Variants in EFL1 observed in about 807,000 individuals in gnomAD.
EFL1 encodes elongation factor like GTPase 1, also known as elongation factor-like GTPase 1.
EFL1 carries 76 observed loss-of-function variants against 126.7 expected under a neutral mutation model. That is an observed-to-expected ratio of 0.60 (90% CI 0.50 to 0.73). The LOEUF is 0.73. Ranked by LOEUF, EFL1 falls within the 30% of genes least tolerant of loss-of-function variation. EFL1 has a pLI of 0.00. For synonymous variants in EFL1, 410 were observed against 448.4 expected (o/e 0.91, Z 1.08); for missense variants, 1,128 against 1,343.2 (o/e 0.84, Z 2.50).
At chr15:82,221,949 G>C (rs2074716478) in intron 12 of EFL1, among the ~76,000 whole-genome samples, 1 of 152,148 alleles carries the variant, frequency 6.6e-6, no homozygotes, top group Non-Finnish European at 1.5e-5. Context: ...CTCTTCCCCA[G>C]GCTGACCATT....
Position 82,151,556 on chromosome 15 carries a change from T to C in EFL1, c.2898A>G (p.Lys966=). 6.2e-7 allele frequency: 1 copy of C among 1,614,208 alleles called. No individual in the cohort carries two copies. The highest frequency in any genetic ancestry group is 8.5e-7 in the Non-Finnish European group (1 of 1,180,036). ...CTTGCAGTGCATAGCGACATGCTTC[T>C]TTCATGGTGGCAATTAGCTGTCCTG... ...PFSGQLIATM[K]EACRYALQVK... Residue 966 remains lysine (K), a synonymous_variant, in exon 18 of 20, where the codon AAA becomes AAG. Coordinates refer to ENST00000268206, the MANE Select transcript of EFL1 (RefSeq NM_024580.6).
At chr15:82,171,489 A>G (rs2074135230) in intron 15 of EFL1, among the ~76,000 whole-genome samples, 1 of 152,228 alleles carries the variant, frequency 6.6e-6, no homozygotes. Context: ...GCATTGAAAC[A>G]ATTAGCCAAT....
At position 82,225,263 on chromosome 15, in the gene EFL1, A is replaced by G. The variant is rs551984098; in HGVS notation, c.1194T>C (p.Ala398=). The change falls in exon 12 of 20, where the codon GCT becomes GCC. Residue 398 remains alanine (A), a splice_region_variant and synonymous_variant. Transcript: ENST00000268206. ...TGTCCTCACTTCCACATTTCATAAA[A>G]GCTAAACAAATAGGAAGTAAAAATG... ...FPPETQALKA[A]FMKCGSEDTA... The G allele has an allele frequency of 3.3e-5, 52 of 1,591,620 alleles. No individual in the cohort carries two copies. The African/African-American group carries it at 4.1e-4, about 12-fold the overall frequency.
intron 15 of EFL1, among the ~76,000 whole-genome samples, chr15:82,209,976 C>G (rs932918465): frequency 2.6e-5 from 4 of 152,106 alleles, no homozygotes; most frequent in Admixed American, 6.5e-5. Context: ...TTACTGACTC[C>G]GTATCATTTA....
intron 9 of EFL1, among the ~76,000 whole-genome samples, chr15:82,228,748 A>T (rs2074790599): frequency 6.6e-6 from 1 of 152,210 alleles, no homozygotes; most frequent in Admixed American, 6.5e-5. Context: ...ACTATTTTTT[A>T]AAAGTGGGTT....
intron 15 of EFL1, among the ~76,000 whole-genome samples, chr15:82,187,093 A>T: frequency 6.6e-6 from 1 of 152,188 alleles, no homozygotes; most frequent in East Asian, 1.9e-4. Context: ...AGAGTAATTG[A>T]AAAAATGTTC....
Position 82,211,592 on chromosome 15 carries a change from C to CACACACACACACACACACACACA in EFL1, c.1750+3124_1750+3125insTGTGTGTGTGTGTGTGTGTGTGT, listed in dbSNP as rs1567064834. ...CACACACACACACACTAGACACATA[C>CACACACACACACACACACACACA]TAGACACACACACACACACACACAC... On this transcript the variant is annotated intron_variant, in intron 15 of 19. Transcript: ENST00000268206. 1.8e-4 allele frequency among the ~76,000 whole-genome samples: 11 copies of CACACACACACACACACACACACA among 60,128 alleles called. No homozygotes were observed. In the East Asian group the frequency reaches 2.1e-3, roughly 12 times the overall value. 39.4% of individuals were successfully genotyped at this position (60,128 alleles called of 152,430 possible).
chr15:82,214,650 A>G lies in EFL1; in HGVS notation c.1750+67T>C, dbSNP rs1165131713. On this transcript the variant is annotated intron_variant, in intron 15 of 19. Transcript: ENST00000268206. ...TTATTCCCTTCAAAAATTTCACTAA[A>G]TTTTCAGTGACATGTTAGATAATCT... 10 of 1,410,386 alleles carry G rather than the reference A, an allele frequency of 7.1e-6. No individual in the cohort carries two copies. In the East Asian group the frequency reaches 2.4e-4, roughly 34 times the overall value. The allele number at this position is 1,410,386 out of a possible 1,614,324, so 87.4% of individuals were successfully genotyped here.
chr15:82,222,657 G>A (rs1217703926), intron 12 of EFL1, among the ~76,000 whole-genome samples: 2 of 152,128 alleles, frequency 1.3e-5, no homozygotes, highest in African/African-American at 4.8e-5. Flanking sequence ...TGGTAGCGGG[G>A]AACAAAGCAG....
rs114840854 is a variant in EFL1 at position 82,153,092 on chromosome 15, G to A, written c.2031-669C>T. ...TATAGCTACTAAGCATTTGAAATGC[G>A]GCTAGTATGACTGAGGAACTAAATT... is the stretch of plus-strand genomic sequence containing the variant. On this transcript the variant is annotated intron_variant, in intron 17 of 19. Coordinates refer to ENST00000268206, the MANE Select transcript of EFL1 (RefSeq NM_024580.6). Among the ~76,000 whole-genome samples the A allele has an allele frequency of 8.1e-3, 1,230 of 152,086 alleles. 15 individuals are homozygous for A. Among genetic ancestry groups the A allele is most frequent in the African/African-American group, 0.028 (1,153 of 41,486 alleles).
intron 17 of EFL1, among the ~76,000 whole-genome samples, chr15:82,152,687 G>T (rs1227996027): frequency 4.0e-5 from 6 of 150,944 alleles, no homozygotes; most frequent in African/African-American, 1.2e-4. Flanking sequence ...TCATTTTCAA[G>T]ATATATAAAC....
chr15:82,247,883 T>C (rs2074987779), intron 4 of EFL1, among the ~76,000 whole-genome samples: 1 of 151,910 alleles, frequency 6.6e-6, no homozygotes, highest in Non-Finnish European at 1.5e-5. Flanking sequence ...GGGACGTAGG[T>C]AGTGTTGGCC....
rs1369633991 is a variant in EFL1 at position 82,138,755 on chromosome 15, G to C, written c.3077C>G (p.Ala1026Gly). ...AAAGCTTTCAGCAACAGGCAGCACAGCCTTGATGATGAACATGTCTGTCCC... is the reference window on the plus strand; with the variant it reads ...AAAGCTTTCAGCAACAGGCAGCACACCCTTGATGATGAACATGTCTGTCCC... Reference protein sequence around the residue: ...KEGTDMFIIKAVLPVAESFGF... With the variant: ...KEGTDMFIIKGVLPVAESFGF... The change falls in exon 19 of 20, where the codon GCT (alanine) becomes GGT (glycine). Residue 1026 changes from alanine (A) to glycine (G), a missense_variant. By Grantham distance (60) the Ala-to-Gly change is moderately conservative. Transcript: ENST00000268206. 2 of 1,613,920 alleles carry C rather than the reference G, an allele frequency of 1.2e-6. No individual in the cohort carries two copies. Among genetic ancestry groups the C allele is most frequent in the African/African-American group, 2.7e-5 (2 of 74,904 alleles).
intron 15 of EFL1, among the ~76,000 whole-genome samples, chr15:82,177,508 G>A (rs1315116087): frequency 1.3e-5 from 2 of 152,096 alleles, no homozygotes; most frequent in East Asian, 1.9e-4. Context: ...ATTCAAGTGC[G>A]TGTAAACAGC....
rs111827674 is a variant in EFL1 at position 82,142,536 on chromosome 15, G to T, written c.2990-3694C>A. Among the ~76,000 whole-genome samples, 785 of 152,124 alleles carry T rather than the reference G, an allele frequency of 5.2e-3. 12 individuals are homozygous for T. The highest frequency in any genetic ancestry group is 0.018 in the African/African-American group (752 of 41,486). ...GGAATTGACAGAAGGAGGTACCAGA[G>T]TACCCTACTGTATGAAAGGAACCAG... is the stretch of plus-strand genomic sequence containing the variant. On this transcript the variant is annotated intron_variant, in intron 18 of 19. Transcript: ENST00000268206.
chr15:82,228,417 C>A, intron 9 of EFL1, 90 bp from the exon 10 acceptor site: 1 of 1,455,414 alleles, frequency 6.9e-7, no homozygotes, highest in South Asian at 1.5e-5. Context: ...TATTTTTACC[C>A]TAATGTGTTA....
At chr15:82,145,166 G>C (rs2073830618) in intron 18 of EFL1, among the ~76,000 whole-genome samples, 1 of 151,916 alleles carries the variant, frequency 6.6e-6, no homozygotes, top group Non-Finnish European at 1.5e-5. Context: ...AGCCGGGCGT[G>C]GTGGCACATG....
intron 4 of EFL1, among the ~76,000 whole-genome samples, chr15:82,242,318 G>T (rs2141328904): frequency 6.8e-6 from 1 of 147,962 alleles, no homozygotes; most frequent in South Asian, 2.2e-4. Context: ...ATGCACTCAA[G>T]AATGACTACA....
At chr15:82,193,131 A>C (rs2074376267) in intron 15 of EFL1, among the ~76,000 whole-genome samples, 1 of 152,362 alleles carries the variant, frequency 6.6e-6, no homozygotes, top group African/African-American at 2.4e-5. Flanking sequence ...TAAAACAAAA[A>C]AATTCAAATT....
Sources: gnomAD v4.1 joint callset for allele counts (sites outside exome capture counted in the v4.1 genomes callset) on GRCh38, gnomAD v4.1.1 for gene constraint, MANE v1.5 for transcripts, NCBI Gene and HGNC (gene_info 2026-07-23, HGNC 2026-07-21) for gene names.